Variants in SNX10 observed in about 807,000 individuals in gnomAD.
The protein encoded by SNX10 is sorting nexin 10, also known as sorting nexin-10.
In SNX10, 25 loss-of-function variants were observed where a neutral mutation model predicts 28.5. That is an observed-to-expected ratio of 0.88 (90% CI 0.64 to 1.22). The LOEUF is 1.22. SNX10 is among the 50% of genes most tolerant of loss of function. The pLI, the probability that SNX10 is intolerant of heterozygous loss-of-function variation, is 0.00. For synonymous variants in SNX10, 62 were observed against 81.4 expected, an observed-to-expected ratio of 0.76 and a Z score of 1.28; for missense variants, 223 against 242.6, an observed-to-expected ratio of 0.92 and a Z score of 0.54.
At chr7:26,311,162 T>C (rs1786824156) in intron 1 of SNX10, among the ~76,000 whole-genome samples, 2 of 152,052 alleles carry the variant, frequency 1.3e-5, no homozygotes, top group South Asian at 2.1e-4. Flanking sequence ...TTTTTCTTTT[T>C]ATTTTTGAGA....
intron 1 of SNX10, among the ~76,000 whole-genome samples, chr7:26,341,408 A>G (rs1360317191): frequency 6.6e-6 from 1 of 151,902 alleles, no homozygotes; most frequent in Non-Finnish European, 1.5e-5. Context: ...GAGAGAGAAT[A>G]CTCTAGAGAC....
At chr7:26,345,664 A>G (rs1788355323) in intron 1 of SNX10, among the ~76,000 whole-genome samples, 1 of 152,220 alleles carries the variant, frequency 6.6e-6, no homozygotes, top group Non-Finnish European at 1.5e-5. Flanking sequence ...GCTCAGACAC[A>G]TACTGATATT....
intron 1 of SNX10, among the ~76,000 whole-genome samples, chr7:26,319,836 C>T (rs558123263): frequency 6.6e-6 from 1 of 152,278 alleles, no homozygotes; most frequent in South Asian, 2.1e-4. Context: ...CAAGTGTTCA[C>T]TTCTCCAGGA....
intron 1 of SNX10, among the ~76,000 whole-genome samples, chr7:26,336,941 T>G (rs1787967825): frequency 6.6e-6 from 1 of 152,228 alleles, no homozygotes; most frequent in Non-Finnish European, 1.5e-5. Flanking sequence ...CACTGATATT[T>G]TTTTAGATTG....
intron 3 of SNX10, among the ~76,000 whole-genome samples, chr7:26,363,435 T>A (rs552266815): frequency 6.6e-6 from 1 of 152,328 alleles, no homozygotes; most frequent in South Asian, 2.1e-4. Flanking sequence ...TTTGAAATAG[T>A]ACTGATCTTG....
chr7:26,313,597 G>A (rs144061879), intron 1 of SNX10, among the ~76,000 whole-genome samples: 1,526 of 152,170 alleles, frequency 0.01, 21 homozygotes, highest in African/African-American at 0.035. Flanking sequence ...ACGAATTGGG[G>A]GCCCTGCCAA....
chr7:26,326,265 C>T (rs1787500652), intron 1 of SNX10, among the ~76,000 whole-genome samples: 1 of 152,120 alleles, frequency 6.6e-6, no homozygotes, highest in African/African-American at 2.4e-5. Flanking sequence ...TGAACACTTC[C>T]TTGTAACTGT....
intron 1 of SNX10, among the ~76,000 whole-genome samples, chr7:26,343,399 G>A (rs935442055): frequency 3.3e-5 from 5 of 152,140 alleles, no homozygotes; most frequent in Admixed American, 2.6e-4. Flanking sequence ...CTGACCTTCC[G>A]CTTTCTTGTG....
At chr7:26,327,867 C>T (rs1248312910) in intron 1 of SNX10, among the ~76,000 whole-genome samples, 1 of 150,782 alleles carries the variant, frequency 6.6e-6, no homozygotes, top group Non-Finnish European at 1.5e-5. Flanking sequence ...GTAGCTGGGA[C>T]TACAGGTGCC....
chr7:26,297,181 C>A (rs1786145422), intron 1 of SNX10, among the ~76,000 whole-genome samples: 1 of 152,244 alleles, frequency 6.6e-6, no homozygotes, highest in Non-Finnish European at 1.5e-5. Context: ...ACTGCAACCT[C>A]TGCCTCCTGG....
chr7:26,360,166 A>G (rs1314374668), intron 2 of SNX10, among the ~76,000 whole-genome samples: 1 of 152,200 alleles, frequency 6.6e-6, no homozygotes, highest in African/African-American at 2.4e-5. Flanking sequence ...TTAATAAGTT[A>G]TTATCGCTTA....
chr7:26,296,090 G>C (rs1351519970), intron 1 of SNX10, among the ~76,000 whole-genome samples: 2 of 151,586 alleles, frequency 1.3e-5, no homozygotes, highest in Non-Finnish European at 2.9e-5. Flanking sequence ...AGCTGTGATT[G>C]CACCATTGTA....
At chr7:26,357,327 TAA>T (rs372771552) in intron 2 of SNX10, among the ~76,000 whole-genome samples, 3 of 109,344 alleles carry the variant, frequency 2.7e-5, no homozygotes, top group East Asian at 2.7e-4. Context: ...AAGAGAAGAT[TAA>T]AAAAAAAAAA....
chr7:26,292,880 A>G (rs1315937530), intron 1 of SNX10, among the ~76,000 whole-genome samples: 1 of 152,198 alleles, frequency 6.6e-6, no homozygotes, highest in Non-Finnish European at 1.5e-5. Flanking sequence ...ATTCAGCCAG[A>G]TGGGAGCAGA....
At chr7:26,335,367 A>G (rs1247062218) in intron 1 of SNX10, among the ~76,000 whole-genome samples, 1 of 152,158 alleles carries the variant, frequency 6.6e-6, no homozygotes, top group Non-Finnish European at 1.5e-5. Context: ...TTAAAGAACC[A>G]CCAAATGTAG....
chr7:26,306,142 G>A (rs767777550), intron 1 of SNX10, among the ~76,000 whole-genome samples: 1 of 151,754 alleles, frequency 6.6e-6, no homozygotes, highest in Non-Finnish European at 1.5e-5. Context: ...GAGCTGAAGC[G>A]ATCCACCCGC....
At chr7:26,345,371 TC>T (rs1460055167) in intron 1 of SNX10, among the ~76,000 whole-genome samples, 1 of 152,176 alleles carries the variant, frequency 6.6e-6, no homozygotes, top group Non-Finnish European at 1.5e-5. Context: ...CTGCTTTTTT[TC>T]CTTGAACACT....
At chr7:26,313,313 A>G (rs1162246854) in intron 1 of SNX10, among the ~76,000 whole-genome samples, 1 of 152,222 alleles carries the variant, frequency 6.6e-6, no homozygotes, top group African/African-American at 2.4e-5. Flanking sequence ...CCATAGGCGC[A>G]ATGTTGTACA....
At chr7:26,337,478 T>C (rs1410984936) in intron 1 of SNX10, among the ~76,000 whole-genome samples, 1 of 152,218 alleles carries the variant, frequency 6.6e-6, no homozygotes, top group Admixed American at 6.5e-5. Context: ...CACCCTTTCC[T>C]CTAGCCCTTG....
Sources: allele counts gnomAD v4.1 joint callset (sites outside exome capture counted in the v4.1 genomes callset), GRCh38; gene constraint gnomAD v4.1.1; transcripts MANE v1.5; gene names NCBI Gene and HGNC (gene_info 2026-07-23, HGNC 2026-07-21).